SV2C: variants seen among roughly 807,000 people sequenced by gnomAD.
The protein encoded by SV2C is synaptic vesicle glycoprotein 2C.
Under a neutral mutation model 79.7 loss-of-function variants are expected in SV2C, and 49 were observed. That is an observed-to-expected ratio of 0.61 (90% CI 0.49 to 0.78). The LOEUF (loss-of-function observed/expected upper bound fraction) is 0.78, where lower values mean the gene tolerates loss of function less well. Among genes scored for constraint, SV2C ranks in the 30% least tolerant of loss-of-function variants. The probability of loss-of-function intolerance (pLI) is 0.00; values close to 1 mark genes in which losing one functional copy is unlikely to be tolerated. For synonymous variants in SV2C, 334 were observed against 333.2 expected (o/e 1.00, Z -0.03); for missense variants, 833 against 912.9 (o/e 0.91, Z 1.13).
chr5:76,160,194 T>G (rs1742858906), intron 2 of SV2C, among the ~76,000 whole-genome samples: 1 of 152,092 alleles, frequency 6.6e-6, no homozygotes, highest in Non-Finnish European at 1.5e-5. Context: ...TAGAGAAATT[T>G]ATAGGTTATT....
intron 2 of SV2C, among the ~76,000 whole-genome samples, chr5:76,182,628 G>C (rs949601352): frequency 6.6e-6 from 1 of 152,202 alleles, no homozygotes; most frequent in African/African-American, 2.4e-5. Context: ...TTCAGAGCCA[G>C]CACGTGAGAG....
chr5:76,153,890 AT>A (rs1183868118), intron 2 of SV2C, among the ~76,000 whole-genome samples: 2 of 152,218 alleles, frequency 1.3e-5, no homozygotes, highest in East Asian at 3.8e-4. Flanking sequence ...AACAGGTAAT[AT>A]TCTTTATCTT....
At chr5:76,079,594 T>C (rs959966041), upstream of SV2C, 3 of 331,330 alleles carry the variant, frequency 9.1e-6, no homozygotes, top group African/African-American at 4.5e-5. Context: ...TGAAACAGGA[T>C]GGGAAATATT....
At position 76,245,911 on chromosome 5, in the gene SV2C, A is replaced by AGTGT. The variant is rs58481475; in HGVS notation, c.913+36045_913+36048dup. 4.0e-3 allele frequency among the ~76,000 whole-genome samples: 577 copies of AGTGT among 145,368 alleles called. 4 individuals are homozygous for AGTGT. The highest frequency in any genetic ancestry group is 0.028 in the East Asian group (142 of 5,010). On this transcript the variant is annotated intron_variant, in intron 4 of 12. Transcript: ENST00000502798. Reference sequence around the variant, plus strand: ...CTAGTTCCATCTATTGAGGCAGGGGAGTGTGTGTGTGTGTGTGTGTGTGTA... The same window carrying AGTGT: ...CTAGTTCCATCTATTGAGGCAGGGGAGTGTGTGTGTGTGTGTGTGTGTGTGTGTA...
At chr5:76,149,105 A>C (rs886080563) in intron 2 of SV2C, among the ~76,000 whole-genome samples, 1 of 152,064 alleles carries the variant, frequency 6.6e-6, no homozygotes, top group Admixed American at 6.6e-5. Context: ...CACAGGAGGG[A>C]GGAGAGACTA....
chr5:76,039,086 G>C, the SV2C span, among the ~76,000 whole-genome samples: 1 of 152,232 alleles, frequency 6.6e-6, no homozygotes, highest in African/African-American at 2.4e-5. Context: ...TGTGTCAGCA[G>C]AAGAAATGGA....
the SV2C span, among the ~76,000 whole-genome samples, chr5:76,071,070 G>A: frequency 6.6e-6 from 1 of 152,192 alleles, no homozygotes; most frequent in South Asian, 2.1e-4. Flanking sequence ...GAATGAGAAG[G>A]AGGTGGAAAA....
chr5:75,867,398 T>C, the SV2C span, among the ~76,000 whole-genome samples: 81 of 152,244 alleles, frequency 5.3e-4, 1 homozygote, highest in Non-Finnish European at 2.5e-4. Flanking sequence ...CCACGGCTCC[T>C]TCTCCAAAGC....
At chr5:76,164,887 C>T (rs1743002022) in intron 2 of SV2C, among the ~76,000 whole-genome samples, 1 of 152,050 alleles carries the variant, frequency 6.6e-6, no homozygotes, top group Non-Finnish European at 1.5e-5. Context: ...AAATAACCCA[C>T]CCACATCCTC....
chr5:76,160,865 A>C (rs1026497477), intron 2 of SV2C, among the ~76,000 whole-genome samples: 11 of 152,190 alleles, frequency 7.2e-5, no homozygotes, highest in Admixed American at 7.2e-4. Flanking sequence ...CTTGAATCAG[A>C]AAGTCAGATA....
At chr5:76,117,854 A>G (rs1029470839) in intron 1 of SV2C, among the ~76,000 whole-genome samples, 6 of 152,202 alleles carry the variant, frequency 3.9e-5, no homozygotes, top group Non-Finnish European at 7.3e-5. Context: ...AAAGCAGAAA[A>G]CATGAACAAA....
chr5:75,956,819 A>G, the SV2C span, among the ~76,000 whole-genome samples: 5 of 151,998 alleles, frequency 3.3e-5, no homozygotes, highest in Non-Finnish European at 7.4e-5. Context: ...CCCAGTTCCC[A>G]CTGGTAGAGA....
At chr5:75,909,783 C>T in the SV2C span, among the ~76,000 whole-genome samples, 2 of 152,130 alleles carry the variant, frequency 1.3e-5, no homozygotes, top group African/African-American at 4.8e-5. Flanking sequence ...CATTTATCCT[C>T]CCAACTTCCA....
chr5:76,049,024 A>AAAGAAAGAAAGAG, the SV2C span, among the ~76,000 whole-genome samples: 8,798 of 120,488 alleles, frequency 0.073, 826 homozygotes, highest in East Asian at 0.17. Flanking sequence ...AGAAAGAAAG[A>AAAGAAAGAAAGAG]AAAAGAAAAG....
intron 1 of SV2C, among the ~76,000 whole-genome samples, chr5:76,114,576 T>C (rs1440074307): frequency 6.6e-6 from 1 of 152,252 alleles, no homozygotes; most frequent in Non-Finnish European, 1.5e-5. Context: ...TTAAATTGCA[T>C]TAAAACTCTG....
intron 12 of SV2C, among the ~76,000 whole-genome samples, chr5:76,313,976 A>G (rs1046182161): frequency 2.0e-5 from 3 of 152,204 alleles, no homozygotes; most frequent in African/African-American, 2.4e-5. Flanking sequence ...TTATATGGGT[A>G]TGCATTAGAG....
chr5:76,298,910 C>T lies in SV2C; in HGVS notation c.1619C>T (p.Thr540Ile), dbSNP rs775017016. The change falls in exon 10 of 13, where the codon ACT becomes ATT. Residue 540 changes from threonine (T) to isoleucine (I), a missense_variant. Thr to Ile is a moderately conservative substitution (Grantham distance 89). Coordinates refer to ENST00000502798, the MANE Select transcript of SV2C (RefSeq NM_014979.4). ...TYFKNCTFIDTVFDNTDFEPY... is the reference protein window; with the variant it reads ...TYFKNCTFIDIVFDNTDFEPY... ...TTCAAGAACTGCACATTTATTGACA[C>T]TGTTTTTGACAACACAGGTAGGTGT... 6.2e-7 allele frequency: 1 copy of T among 1,613,822 alleles called. No individual in the cohort carries two copies. Among genetic ancestry groups the T allele is most frequent in the Non-Finnish European group, 8.5e-7 (1 of 1,179,828 alleles).
chr5:76,277,441 A>C (rs887798071), intron 4 of SV2C, among the ~76,000 whole-genome samples: 1 of 152,252 alleles, frequency 6.6e-6, no homozygotes, highest in African/African-American at 2.4e-5. Context: ...AGGTATGTGC[A>C]ACAGTTTGCA....
the SV2C span, among the ~76,000 whole-genome samples, chr5:76,039,718 T>A: frequency 1.4e-5 from 2 of 146,124 alleles, no homozygotes; most frequent in African/African-American, 5.1e-5. Context: ...ATCATGCCAT[T>A]GCACTCCAGC....
Sources: allele counts gnomAD v4.1 joint callset (sites outside exome capture counted in the v4.1 genomes callset), GRCh38; gene constraint gnomAD v4.1.1; transcripts MANE v1.5; gene names NCBI Gene and HGNC (gene_info 2026-07-23, HGNC 2026-07-21).